The following INSR variants were observed in gnomAD, a reference collection of about 807,000 sequenced individuals.
INSR encodes insulin receptor.
Under a neutral mutation model 142.6 loss-of-function variants are expected in INSR, and 67 were observed. The observed-to-expected ratio is 0.47, with a 90% CI of 0.39 to 0.58. The LOEUF is 0.58. Ranked by LOEUF, INSR falls within the 20% of genes least tolerant of loss-of-function variation. INSR has a pLI of 0.00. For synonymous variants in INSR, 756 were observed against 743.1 expected, an observed-to-expected ratio of 1.02 and a Z score of -0.28; for missense variants, 1,248 against 1,833.2, an observed-to-expected ratio of 0.68 and a Z score of 5.83.
At chr19:7,257,945 C>A (rs1407911176) in intron 2 of INSR, among the ~76,000 whole-genome samples, 1 of 152,204 alleles carries the variant, frequency 6.6e-6, no homozygotes, top group Non-Finnish European at 1.5e-5. Context: ...GCCTCAGCCT[C>A]CTGAGTAGCT....
chr19:7,168,275 A>G lies in INSR; in HGVS notation c.1484-181T>C, dbSNP rs1163207735. Reference sequence around the variant, plus strand: ...GAATGGGGGAAGATTCAAAGGTAAGAGCCAGTTTTGCAACTTGGCCACTCA... The same window carrying G: ...GAATGGGGGAAGATTCAAAGGTAAGGGCCAGTTTTGCAACTTGGCCACTCA... On this transcript the variant is annotated intron_variant, in intron 6 of 21. Transcript: ENST00000302850. This position sits in a 1 kb window ranked among gnomAD's most constrained non-coding sequence, Gnocchi z 4.3. 1.3e-5 allele frequency among the ~76,000 whole-genome samples: 2 copies of G among 152,076 alleles called. No homozygotes were observed. Among genetic ancestry groups the G allele is most frequent in the African/African-American group, 4.8e-5 (2 of 41,404 alleles).
At chr19:7,238,147 G>A (rs1264339467) in intron 2 of INSR, among the ~76,000 whole-genome samples, 1 of 152,064 alleles carries the variant, frequency 6.6e-6, no homozygotes, top group Admixed American at 6.6e-5. Context: ...GAATCATAAA[G>A]TAAATCCATA....
intron 2 of INSR, among the ~76,000 whole-genome samples, chr19:7,189,248 A>T (rs1393771001): frequency 6.6e-6 from 1 of 152,204 alleles, no homozygotes; most frequent in South Asian, 2.1e-4. Context: ...TTCATTCAAA[A>T]GAGGCGTCAT....
intron 2 of INSR, among the ~76,000 whole-genome samples, chr19:7,244,910 G>GT (rs1250464236): frequency 7.5e-6 from 1 of 133,058 alleles, no homozygotes; most frequent in East Asian, 2.2e-4. Flanking sequence ...ATCTCAATGG[G>GT]TTTTTTTGTT....
At chr19:7,205,612 C>T (rs1049999674) in intron 2 of INSR, among the ~76,000 whole-genome samples, 1 of 152,152 alleles carries the variant, frequency 6.6e-6, no homozygotes, top group Non-Finnish European at 1.5e-5. Flanking sequence ...CTCTCTCATG[C>T]CTGTAATCCC....
Position 7,151,059 on chromosome 19 carries a change from CTTTT to C in INSR, c.2232-531_2232-528del, listed in dbSNP as rs571210305. Among the ~76,000 whole-genome samples the C allele has an allele frequency of 3.4e-4, 22 of 65,036 alleles. No homozygotes were observed. In the South Asian group the frequency reaches 8.3e-3, roughly 25 times the overall value. 42.7% of individuals were successfully genotyped at this position (65,036 alleles called of 152,430 possible). A position where few individuals can be genotyped will look rare whatever the true frequency, so the allele number is the denominator to read the frequency against. ...TCTTTTTTTCATTTTCTTTCTCTTT[CTTTT>C]CTTTCTTTTCCTTTTTTCCTTCCTT... is the stretch of plus-strand genomic sequence containing the variant. On this transcript the variant is annotated intron_variant, in intron 10 of 21. Transcript: ENST00000302850.
intron 1 of INSR, among the ~76,000 whole-genome samples, chr19:7,279,398 G>A (rs942085480): frequency 1.1e-4 from 17 of 151,544 alleles, no homozygotes; most frequent in African/African-American, 4.1e-4. Flanking sequence ...CAGAAACCAG[G>A]GGCAGTTTGT....
Position 7,192,294 on chromosome 19 carries a change from AAAGAAAAG to A in INSR, c.653-7665_653-7658del, listed in dbSNP as rs1599977242. ...AAAGAAAAGAAAAGAAAAGAAAAGA[AAAGAAAAG>A]AAAAGAAAAAAATCACAGGCAGCCC... On this transcript the variant is annotated intron_variant, in intron 2 of 21. Coordinates refer to ENST00000302850, the MANE Select transcript of INSR (RefSeq NM_000208.4). This position sits in a 1 kb window ranked among gnomAD's most constrained non-coding sequence, Gnocchi z 4.2. Among the ~76,000 whole-genome samples, 1 of 147,916 alleles carries A rather than the reference AAAGAAAAG, an allele frequency of 6.8e-6. No homozygotes were observed. Among genetic ancestry groups the A allele is most frequent in the Non-Finnish European group, 1.5e-5 (1 of 67,096 alleles).
intron 11 of INSR, among the ~76,000 whole-genome samples, chr19:7,146,380 T>G (rs1462024005): frequency 6.6e-6 from 1 of 152,046 alleles, no homozygotes. Flanking sequence ...TAGCTGGGAT[T>G]ACAGGCGTGT....
rs1168515781 is a variant in INSR at position 7,267,320 on chromosome 19, T to C, written c.652+25A>G. 3.1e-6 allele frequency: 5 copies of C among 1,612,444 alleles called. No individual in the cohort carries two copies. Among genetic ancestry groups the C allele is most frequent in the Non-Finnish European group, 4.2e-6 (5 of 1,178,872 alleles). On this transcript the variant is annotated intron_variant, in intron 2 of 21. Coordinates refer to ENST00000302850, the MANE Select transcript of INSR (RefSeq NM_000208.4). This position sits in a 1 kb window ranked among gnomAD's most constrained non-coding sequence, Gnocchi z 6.3. Reference sequence around the variant, plus strand: ...TCTAGAACAAGGCACGAGACACTGCTTAGAACCCTGTATCCCCGGCGTACC... The same window carrying C: ...TCTAGAACAAGGCACGAGACACTGCCTAGAACCCTGTATCCCCGGCGTACC...
At chr19:7,207,341 C>T (rs1037753677) in intron 2 of INSR, among the ~76,000 whole-genome samples, 3 of 151,952 alleles carry the variant, frequency 2.0e-5, no homozygotes, top group Non-Finnish European at 2.9e-5. Context: ...CGCTTGAACC[C>T]GGGAGGCAGA....
intron 11 of INSR, among the ~76,000 whole-genome samples, chr19:7,148,896 G>A (rs921274359): frequency 6.7e-5 from 10 of 150,164 alleles, no homozygotes; most frequent in African/African-American, 9.8e-5. Flanking sequence ...CCAGGTTCAC[G>A]CCATTCTCCT....
chr19:7,234,388 G>A (rs1188960184), intron 2 of INSR, among the ~76,000 whole-genome samples: 2 of 151,968 alleles, frequency 1.3e-5, no homozygotes, highest in Non-Finnish European at 2.9e-5. Context: ...TAAATTTTTT[G>A]TAGAGATGGG....
intron 8 of INSR, among the ~76,000 whole-genome samples, chr19:7,165,840 G>A (rs908219146): frequency 5.3e-5 from 8 of 150,650 alleles, no homozygotes; most frequent in Non-Finnish European, 7.4e-5. Context: ...TCCAGTCCGG[G>A]TGACAGAGTG....
intron 1 of INSR, among the ~76,000 whole-genome samples, chr19:7,289,153 A>G (rs1968423644): frequency 1.3e-5 from 2 of 152,060 alleles, no homozygotes; most frequent in Admixed American, 1.3e-4. Flanking sequence ...AAGTGAGGTG[A>G]GGCTGCAGGA....
intron 2 of INSR, among the ~76,000 whole-genome samples, chr19:7,221,203 G>C (rs75950527): frequency 0.019 from 2,854 of 151,724 alleles, 69 homozygotes; most frequent in East Asian, 0.11. Context: ...GCGAGACCCC[G>C]TTTCTACCAA....
intron 8 of INSR, among the ~76,000 whole-genome samples, chr19:7,165,740 G>C (rs917196149): frequency 2.6e-5 from 4 of 151,828 alleles, no homozygotes; most frequent in South Asian, 4.2e-4. Flanking sequence ...GTGCATGCCT[G>C]TAGTCCCAGC....
chr19:7,203,236 A>T (rs986489358), intron 2 of INSR, among the ~76,000 whole-genome samples: 7 of 152,104 alleles, frequency 4.6e-5, no homozygotes, highest in African/African-American at 1.7e-4. Flanking sequence ...CTACAGTTTA[A>T]TTCTATTCTA....
At chr19:7,135,461 G>A (rs991397946) in intron 13 of INSR, among the ~76,000 whole-genome samples, 5 of 149,296 alleles carry the variant, frequency 3.3e-5, no homozygotes, top group Non-Finnish European at 5.9e-5. Flanking sequence ...GATTATAGGC[G>A]TGTGCCACAA....
Sources: allele counts gnomAD v4.1 joint callset (sites outside exome capture counted in the v4.1 genomes callset), GRCh38; gene constraint gnomAD v4.1.1; non-coding constraint Gnocchi (gnomAD v3.1); transcripts MANE v1.5; gene names NCBI Gene and HGNC (gene_info 2026-07-23, HGNC 2026-07-21).